WWC1: variants seen among roughly 807,000 people sequenced by gnomAD.
The protein encoded by WWC1 is WW and C2 domain containing 1, also known as protein KIBRA.
Under a neutral mutation model 138.4 loss-of-function variants are expected in WWC1, and 55 were observed. That is an observed-to-expected ratio of 0.40 (90% CI 0.32 to 0.50). The LOEUF (loss-of-function observed/expected upper bound fraction) is 0.50, where lower values mean the gene tolerates loss of function less well. Ranked by LOEUF, WWC1 falls within the 20% of genes least tolerant of loss-of-function variation. WWC1 has a pLI of 0.72. For missense variants in WWC1, 1,226 were observed against 1,420.4 expected, an observed-to-expected ratio of 0.86 and a Z score of 2.20; for synonymous variants, 524 against 564.9, an observed-to-expected ratio of 0.93 and a Z score of 1.03.
intron 17 of WWC1, among the ~76,000 whole-genome samples, chr5:168,453,179 G>A (rs982029972): frequency 6.6e-6 from 1 of 151,872 alleles, no homozygotes; most frequent in Non-Finnish European, 1.5e-5. Context: ...AGCCAAGATG[G>A]TCCCACTGCA....
chr5:168,388,314 C>T (rs1488067173), intron 3 of WWC1, among the ~76,000 whole-genome samples: 5 of 151,530 alleles, frequency 3.3e-5, no homozygotes, highest in Admixed American at 3.3e-4. Flanking sequence ...CCTAAAGAGG[C>T]ACACCACCAA....
In WWC1 at chr5:168,422,059, C is replaced by T. The variant is rs758418763; in HGVS notation, c.1236C>T (p.Ala412=). The part of the protein sequence containing the change: ...RNQLVRELEE[A]TRQVATLHSQ... ...AGCTTGTGAGAGAACTGGAGGAAGC[C>T]ACCCGGCAGGTGGCAACTCTGCACT... The change falls in exon 10 of 23, where the codon GCC becomes GCT. Residue 412 remains alanine (A), a synonymous_variant. Coordinates refer to ENST00000265293, the MANE Select transcript of WWC1 (RefSeq NM_015238.3). 16 of 1,612,940 alleles carry T rather than the reference C, an allele frequency of 9.9e-6. No homozygotes were observed. The highest frequency in any genetic ancestry group is 1.4e-5 in the Non-Finnish European group (16 of 1,179,360).
chr5:168,396,833 C>T (rs543528084), intron 3 of WWC1, among the ~76,000 whole-genome samples: 21 of 152,008 alleles, frequency 1.4e-4, no homozygotes, highest in Non-Finnish European at 2.2e-4. Flanking sequence ...GTGATAGAAC[C>T]GTGGATATAT....
intron 1 of WWC1, among the ~76,000 whole-genome samples, chr5:168,349,951 G>A (rs1477582521): frequency 2.0e-5 from 3 of 152,092 alleles, no homozygotes; most frequent in Non-Finnish European, 2.9e-5. Flanking sequence ...ATCTTTCTGG[G>A]CCCTCCAAAT....
At chr5:168,424,816 G>A (rs183421419) in intron 11 of WWC1, among the ~76,000 whole-genome samples, 10 of 152,322 alleles carry the variant, frequency 6.6e-5, no homozygotes, top group Admixed American at 2.0e-4. Context: ...CCATGTGACC[G>A]TTTGAAGCCA....
At chr5:168,310,072 A>G (rs766213559) in intron 1 of WWC1, among the ~76,000 whole-genome samples, 28 of 152,186 alleles carry the variant, frequency 1.8e-4, no homozygotes, top group Middle Eastern at 3.4e-3. Context: ...CACACTGCTG[A>G]CCTTCTCGAA....
In WWC1 at chr5:168,431,672, C is replaced by G. The variant is rs560144404; in HGVS notation, c.2280+228C>G. 2.4e-4 allele frequency among the ~76,000 whole-genome samples: 37 copies of G among 152,286 alleles called. 1 individual carries two copies. The highest frequency in any genetic ancestry group is 3.4e-3 in the Middle Eastern group (1 of 294). ...TAGGGTGGGAGGGAAGGAGCTCTTT[C>G]ACAAGAGGAAGAGTAATGGACCTGA... On this transcript the variant is annotated intron_variant, in intron 15 of 22. Transcript: ENST00000265293.
chr5:168,347,219 G>T (rs969813923), intron 1 of WWC1, among the ~76,000 whole-genome samples: 1 of 152,208 alleles, frequency 6.6e-6, no homozygotes, highest in Admixed American at 6.5e-5. Flanking sequence ...GACTGTAGAT[G>T]GGTGCTGTGT....
chr5:168,348,735 C>G (rs1322976243), intron 1 of WWC1, among the ~76,000 whole-genome samples: 1 of 152,138 alleles, frequency 6.6e-6, no homozygotes, highest in African/African-American at 2.4e-5. Context: ...GGAAAGGGCC[C>G]TAGCAGAGCC....
intron 1 of WWC1, among the ~76,000 whole-genome samples, chr5:168,356,814 A>G (rs1775459352): frequency 6.6e-6 from 1 of 152,134 alleles, no homozygotes; most frequent in Non-Finnish European, 1.5e-5. Context: ...GCGCTTCTCC[A>G]GTTACCAGCT....
intron 6 of WWC1, among the ~76,000 whole-genome samples, chr5:168,407,636 C>A (rs1779898301): frequency 6.6e-6 from 1 of 152,308 alleles, no homozygotes; most frequent in Admixed American, 6.5e-5. Context: ...ATCATGGAGC[C>A]TTAAGCCAGA....
At chr5:168,437,708 C>T (rs1042779971) in intron 15 of WWC1, among the ~76,000 whole-genome samples, 3 of 152,188 alleles carry the variant, frequency 2.0e-5, no homozygotes, top group African/African-American at 7.2e-5. Flanking sequence ...AGACAATACT[C>T]ACACCTGTGA....
chr5:168,358,271 T>C (rs1775611453), intron 1 of WWC1, among the ~76,000 whole-genome samples: 3 of 152,210 alleles, frequency 2.0e-5, no homozygotes, highest in African/African-American at 7.2e-5. Context: ...GGATGACTTA[T>C]TGTATACAAT....
Position 168,455,364 on chromosome 5 carries a change from A to G in WWC1, c.2667A>G (p.Lys889=), listed in dbSNP as rs764768089. Residue 889 remains lysine (K), a synonymous_variant, in exon 19 of 23, where the codon AAA becomes AAG. Transcript: ENST00000265293. ...MDGYPALKVD[K]ETNTETPAPS... is the part of the protein sequence containing the mutation. ...TGTGACTTCTTCCTCAGGTGGACAA[A>G]GAGACCAACACGGAGACCCCGGCCC... 3.2e-6 allele frequency: 5 copies of G among 1,568,902 alleles called. No homozygotes were observed. The highest frequency in any genetic ancestry group is 4.3e-6 in the Non-Finnish European group (5 of 1,161,652).
Position 168,467,862 on chromosome 5 carries a change from A to C in WWC1, c.3173A>C (p.Lys1058Thr). The change falls in exon 22 of 23, where the codon AAG becomes ACG. Residue 1058 changes from lysine to threonine, a missense_variant. Physicochemically the swap from Lys to Thr is moderately conservative, Grantham distance 78. Around this residue, in one of 3 missense-constraint regions of WWC1, gnomAD observed 206 missense variants for 247.4 expected, o/e 0.83. Transcript: ENST00000265293. The stretch of plus-strand genomic sequence containing the variant: ...CAGCAGATGGACCGAGCGGAGCACA[A>C]GGGTGAGCTTCAGACAGACAAGATG... ...EKRQMDRAEHKGELQTDKMMR... is the reference protein window; with the variant it reads ...EKRQMDRAEHTGELQTDKMMR... 1 of 1,614,196 alleles carries C rather than the reference A, an allele frequency of 6.2e-7. No homozygotes were observed. The highest frequency in any genetic ancestry group is 8.5e-7 in the Non-Finnish European group (1 of 1,180,018).
intron 1 of WWC1, among the ~76,000 whole-genome samples, chr5:168,333,240 C>T (rs191798635): frequency 1.5e-3 from 230 of 152,254 alleles, no homozygotes; most frequent in African/African-American, 4.7e-3. Flanking sequence ...TGACTATCTC[C>T]TTGCCCGCCT....
chr5:168,309,636 G>A lies in WWC1; in HGVS notation c.119+17365G>A, dbSNP rs950948107. ...TCCTTTTCTGTTTATTCCTATAGAA[G>A]CTTAGTGGAAAATAGACCCCTCTCC... On this transcript the variant is annotated intron_variant, in intron 1 of 22. Transcript: ENST00000265293. Among the ~76,000 whole-genome samples, 5 of 152,030 alleles carry A rather than the reference G, an allele frequency of 3.3e-5. No homozygotes were observed. The South Asian group carries it at 1.0e-3, about 32-fold the overall frequency.
intron 2 of WWC1, among the ~76,000 whole-genome samples, chr5:168,375,632 G>C (rs1434594992): frequency 6.6e-6 from 1 of 151,828 alleles, no homozygotes; most frequent in Non-Finnish European, 1.5e-5. Flanking sequence ...CTGGAGTACA[G>C]TGGCAGATCT....
chr5:168,441,186 A>G (rs1327096951), intron 15 of WWC1, among the ~76,000 whole-genome samples: 5 of 152,230 alleles, frequency 3.3e-5, no homozygotes, highest in Non-Finnish European at 7.3e-5. Flanking sequence ...ATGCTATATG[A>G]TTCCAATTAT....
Sources: gnomAD v4.1 joint callset for allele counts (sites outside exome capture counted in the v4.1 genomes callset) on GRCh38, gnomAD v4.1.1 for gene constraint, gnomAD v4.1.1 regional missense constraint, MANE v1.5 for transcripts, NCBI Gene and HGNC (gene_info 2026-07-23, HGNC 2026-07-21) for gene names.